CUBN: variants seen among roughly 807,000 people sequenced by gnomAD.
CUBN encodes the protein 460 kDa receptor.
In CUBN, 282 loss-of-function variants were observed where a neutral mutation model predicts 405.3. The observed-to-expected ratio is 0.70, with a 90% CI of 0.63 to 0.77. The LOEUF is 0.77. Among genes scored for constraint, CUBN ranks in the 30% least tolerant of loss-of-function variants. The pLI is 0.00. For synonymous variants in CUBN, 1,684 were observed against 1,617.0 expected (o/e 1.04, Z -0.99); for missense variants, 4,514 against 4,475.2 (o/e 1.01, Z -0.25).
chr10:17,058,826 T>C (rs1406576515), intron 22 of CUBN, among the ~76,000 whole-genome samples: 1 of 152,080 alleles, frequency 6.6e-6, no homozygotes, highest in Non-Finnish European at 1.5e-5. Flanking sequence ...TGTGTTTCCA[T>C]ACAAGGATAT....
chr10:17,083,392 C>T (rs1836015299), intron 17 of CUBN, among the ~76,000 whole-genome samples: 1 of 152,108 alleles, frequency 6.6e-6, no homozygotes, highest in African/African-American at 2.4e-5. Context: ...GTAATCCCAG[C>T]TACTCAGGAG....
At chr10:17,043,080 T>C (rs1240141015) in intron 26 of CUBN, among the ~76,000 whole-genome samples, 1 of 152,152 alleles carries the variant, frequency 6.6e-6, no homozygotes, top group Non-Finnish European at 1.5e-5. Context: ...CAAAAAGCAT[T>C]TAATTCTAGA....
rs141319759 is a variant in CUBN, at chr10:16,928,283, G to A, written c.6145C>T (p.Gln2049Ter). 8 of 1,613,876 alleles carry A rather than the reference G, an allele frequency of 5.0e-6. No individual in the cohort carries two copies. The highest frequency in any genetic ancestry group is 6.8e-6 in the Non-Finnish European group (8 of 1,179,882). The change falls in exon 41 of 67, where the codon CAG becomes TAG. Residue 2049 changes from glutamine (Q) to a stop codon, truncating the protein, a stop_gained. Transcript: ENST00000377833. LOFTEE classifies it high-confidence loss of function. Reference sequence around the variant, plus strand: ...TCTCTGCCACAGAGAACTGCTAGCTGCTGGGCCAAGTTATTATCTCCTACG... The same window carrying A: ...TCTCTGCCACAGAGAACTGCTAGCTACTGGGCCAAGTTATTATCTCCTACG... ...IRDGDNNLAQ[Q>*]LAVLCGREIP... is the part of the protein sequence containing the mutation.
In CUBN at chr10:17,071,573, G is replaced by T; in HGVS notation, c.2478C>A (p.Val826=). 6.2e-7 allele frequency: 1 copy of T among 1,613,764 alleles called. No individual in the cohort carries two copies. Among genetic ancestry groups the T allele is most frequent in the Non-Finnish European group, 8.5e-7 (1 of 1,179,876 alleles). The change falls in exon 19 of 67, where the codon GTC becomes GTA. Residue 826 remains valine, a synonymous_variant. Coordinates refer to ENST00000377833, the MANE Select transcript of CUBN (RefSeq NM_001081.4). ...CGTTAGGAAAAAAAGGCGAGCGAAT[G>T]ACCCCTTCTCCAGTTAATTCATCCC... The part of the protein sequence containing the change: ...ACGDELTGEG[V]IRSPFFPNVY...
intron 31 of CUBN, among the ~76,000 whole-genome samples, chr10:16,981,550 A>T (rs1421777125): frequency 6.6e-6 from 1 of 152,140 alleles, no homozygotes; most frequent in African/African-American, 2.4e-5. Context: ...ATTGCAACAC[A>T]TGCCCTTTGG....
At chr10:16,908,045 G>T (rs188990433) in intron 48 of CUBN, among the ~76,000 whole-genome samples, 3 of 152,208 alleles carry the variant, frequency 2.0e-5, no homozygotes, top group African/African-American at 7.2e-5. Context: ...TCTTAACAAT[G>T]CATCAGGACA....
intron 31 of CUBN, among the ~76,000 whole-genome samples, chr10:16,958,381 C>G (rs1365537783): frequency 6.6e-6 from 1 of 152,068 alleles, no homozygotes; most frequent in African/African-American, 2.4e-5. Context: ...AAACAATTAG[C>G]CAGGCATGGT....
chr10:17,012,374 G>C (rs1834209868), intron 28 of CUBN, among the ~76,000 whole-genome samples: 1 of 151,622 alleles, frequency 6.6e-6, no homozygotes, highest in Non-Finnish European at 1.5e-5. Context: ...ATCCCTGACT[G>C]GTTAGTGTAA....
intron 28 of CUBN, among the ~76,000 whole-genome samples, chr10:17,007,893 T>C (rs974707572): frequency 1.3e-5 from 2 of 152,180 alleles, no homozygotes; most frequent in African/African-American, 4.8e-5. Flanking sequence ...CAGTGGCTCA[T>C]GCCTGTAATC....
intron 48 of CUBN, among the ~76,000 whole-genome samples, chr10:16,907,930 A>G (rs975868956): frequency 1.3e-5 from 2 of 152,306 alleles, no homozygotes; most frequent in South Asian, 4.1e-4. Flanking sequence ...GTGATAGATT[A>G]AAAGCTGCTA....
At chr10:17,050,026 C>T (rs1324158499) in intron 22 of CUBN, among the ~76,000 whole-genome samples, 2 of 152,072 alleles carry the variant, frequency 1.3e-5, no homozygotes, top group African/African-American at 4.8e-5. Context: ...GTGTTGGAAA[C>T]GAAGGGGACT....
chr10:16,928,456 G>A (rs1842261605), intron 40 of CUBN, among the ~76,000 whole-genome samples, 153 bp from the exon 41 acceptor site: 1 of 151,836 alleles, frequency 6.6e-6, no homozygotes, highest in African/African-American at 2.4e-5. Context: ...ACCCCTCAGG[G>A]GTGATATCAT....
At chr10:16,958,454 A>G (rs1843131576) in intron 31 of CUBN, among the ~76,000 whole-genome samples, 1 of 152,192 alleles carries the variant, frequency 6.6e-6, no homozygotes, top group Admixed American at 6.5e-5. Context: ...TCAACCCAGG[A>G]GGCAGAGGTT....
rs1369712029 is a variant in CUBN, at chr10:16,950,872, C to T, written c.4970-761G>A. On this transcript the variant is annotated intron_variant, in intron 33 of 66. Coordinates refer to ENST00000377833, the MANE Select transcript of CUBN (RefSeq NM_001081.4). Reference sequence around the variant, plus strand: ...CTCAATAGACTCATTTCCTTAAATTCGGATTCTTTGCATGTGCTTGTAAAT... The same window carrying T: ...CTCAATAGACTCATTTCCTTAAATTTGGATTCTTTGCATGTGCTTGTAAAT... Among the ~76,000 whole-genome samples the T allele has an allele frequency of 5.3e-5, 8 of 152,162 alleles. No homozygotes were observed. The South Asian group carries it at 1.0e-3, about 20-fold the overall frequency.
chr10:16,955,620 G>T (rs1034848998), intron 31 of CUBN, among the ~76,000 whole-genome samples: 7 of 152,024 alleles, frequency 4.6e-5, no homozygotes, highest in African/African-American at 1.7e-4. Flanking sequence ...AAATCAGGGG[G>T]GAAATGAGTT....
At chr10:16,967,737 G>A (rs1707280) in intron 31 of CUBN, among the ~76,000 whole-genome samples, 47,613 of 150,318 alleles carry the variant, frequency 0.32, 7,981 homozygotes, top group Middle Eastern at 0.44. Flanking sequence ...GGGAGAGAGA[G>A]GAACAAAGAA....
intron 40 of CUBN, among the ~76,000 whole-genome samples, chr10:16,932,295 T>A (rs932400029): frequency 2.6e-5 from 4 of 152,184 alleles, no homozygotes; most frequent in African/African-American, 7.2e-5. Context: ...CGTTTCTTTT[T>A]GCTGAGAACA....
chr10:17,125,025 T>C (rs528467352), intron 4 of CUBN, among the ~76,000 whole-genome samples: 8 of 151,806 alleles, frequency 5.3e-5, no homozygotes, highest in African/African-American at 1.9e-4. Context: ...AGAGACAGGG[T>C]TCCACCATGT....
Position 16,890,370 on chromosome 10 carries a change from C to CGGCTAA in CUBN, c.8750_8755dup (p.Ser2918_Arg2919insLeuSer), listed in dbSNP as rs1564405659. 1 of 1,612,578 alleles carries CGGCTAA rather than the reference C, an allele frequency of 6.2e-7. No individual in the cohort carries two copies. Among genetic ancestry groups the CGGCTAA allele is most frequent in the African/African-American group, 1.3e-5 (1 of 74,880 alleles). ...TGGGTTTGGTTCTTAGGGCTACTTACGGCTAACAAAGGACGCGGAGAAGCC... is the reference window on the plus strand; with the variant it reads ...TGGGTTTGGTTCTTAGGGCTACTTACGGCTAAGGCTAACAAAGGACGCGGAGAAGCC... On this transcript the variant is annotated inframe_insertion and splice_region_variant. Coordinates refer to ENST00000377833, the MANE Select transcript of CUBN (RefSeq NM_001081.4).
Sources: gnomAD v4.1 joint callset for allele counts (sites outside exome capture counted in the v4.1 genomes callset) on GRCh38, gnomAD v4.1.1 for gene constraint, MANE v1.5 for transcripts, NCBI Gene and HGNC (gene_info 2026-07-23, HGNC 2026-07-21) for gene names.